Variants in RYR2 observed in about 807,000 individuals in gnomAD.
The protein encoded by RYR2 is ryanodine receptor 2.
In RYR2, 227 loss-of-function variants were observed where a neutral mutation model predicts 601.1. The ratio of observed to expected loss-of-function variants is 0.38; its 90% confidence interval spans 0.34 to 0.42. The LOEUF is 0.42. RYR2 is among the 10% of genes least tolerant of loss of function. RYR2 has a pLI of 1.00. For missense variants in RYR2, 4,646 were observed against 6,156.5 expected (o/e 0.75, Z 8.21); for synonymous variants, 2,223 against 2,175.1 (o/e 1.02, Z -0.61).
chr1:237,630,827 T>G (rs182296610), intron 41 of RYR2, among the ~76,000 whole-genome samples: 1 of 152,286 alleles, frequency 6.6e-6, no homozygotes, highest in East Asian at 1.9e-4. Context: ...CACCGTTTCT[T>G]GAAACTGGAT....
At position 237,589,830 on chromosome 1, in the gene RYR2, G is replaced by A; in HGVS notation, c.3636G>A (p.Val1212=). The A allele has an allele frequency of 6.2e-7, 1 of 1,613,722 alleles. No homozygotes were observed. Among genetic ancestry groups the A allele is most frequent in the Non-Finnish European group, 8.5e-7 (1 of 1,179,848 alleles). ...TGTGTAGCCTTGGAGTGGCTCAAGT[G>A]GGTAGGATGAACTTTGGAAAGGATG... is the stretch of plus-strand genomic sequence containing the variant. The part of the protein sequence containing the change: ...IPVCSLGVAQ[V]GRMNFGKDVS... Residue 1212 remains valine (V), a synonymous_variant, in exon 30 of 105, where the codon GTG becomes GTA. Coordinates refer to ENST00000366574, the MANE Select transcript of RYR2 (RefSeq NM_001035.3).
intron 1 of RYR2, among the ~76,000 whole-genome samples, chr1:237,167,944 G>A (rs573965104): frequency 8.5e-5 from 13 of 152,190 alleles, no homozygotes; most frequent in African/African-American, 3.1e-4. Flanking sequence ...TTAAAAATTT[G>A]CATGTTAGGA....
intron 2 of RYR2, among the ~76,000 whole-genome samples, chr1:237,273,308 A>G (rs1368277914): frequency 6.6e-6 from 1 of 152,170 alleles, no homozygotes; most frequent in African/African-American, 2.4e-5. Context: ...ATCTCACAGG[A>G]CGCAGAGCTC....
chr1:237,535,221 A>G (rs1668484845), intron 25 of RYR2, among the ~76,000 whole-genome samples: 1 of 151,974 alleles, frequency 6.6e-6, no homozygotes, highest in Non-Finnish European at 1.5e-5. Context: ...GCGGGATGAA[A>G]TATAAACACC....
chr1:237,333,341 T>G (rs1696933560), intron 3 of RYR2, among the ~76,000 whole-genome samples: 1 of 152,236 alleles, frequency 6.6e-6, no homozygotes, highest in South Asian at 2.1e-4. Context: ...CTGCTGAGTA[T>G]TTTTGATTAT....
At chr1:237,336,133 G>A (rs535363854) in intron 3 of RYR2, among the ~76,000 whole-genome samples, 2 of 152,196 alleles carry the variant, frequency 1.3e-5, no homozygotes, top group African/African-American at 2.4e-5. Flanking sequence ...TATCATGTTG[G>A]CATGAAGAAG....
At chr1:237,771,273 TG>T (rs1220561236) in intron 85 of RYR2, among the ~76,000 whole-genome samples, 5 of 151,818 alleles carry the variant, frequency 3.3e-5, no homozygotes, top group Non-Finnish European at 7.4e-5. Context: ...TATCCAGACA[TG>T]GTGGTGCGTG....
intron 3 of RYR2, among the ~76,000 whole-genome samples, chr1:237,345,324 A>C (rs754416681): frequency 1.3e-5 from 2 of 152,120 alleles, no homozygotes; most frequent in Non-Finnish European, 2.9e-5. Flanking sequence ...AGTTTTTCAT[A>C]GTATATAGAT....
intron 1 of RYR2, among the ~76,000 whole-genome samples, chr1:237,211,308 G>A (rs1282541360): frequency 6.6e-6 from 1 of 152,202 alleles, no homozygotes; most frequent in Middle Eastern, 3.2e-3. Flanking sequence ...ATGTGTACAA[G>A]TTATCAATGT....
At chr1:237,351,628 C>T (rs1558667955) in intron 3 of RYR2, among the ~76,000 whole-genome samples, 2 of 151,772 alleles carry the variant, frequency 1.3e-5, no homozygotes, top group East Asian at 1.9e-4. Context: ...TTTACCAACC[C>T]TAACACTAGA....
rs765263326 is a variant in RYR2 at position 237,589,898 on chromosome 1, G to C, written c.3704G>C (p.Gly1235Ala). 6.2e-7 allele frequency: 1 copy of C among 1,613,882 alleles called. No individual in the cohort carries two copies. The highest frequency in any genetic ancestry group is 1.1e-5 in the South Asian group (1 of 91,084). The change falls in exon 30 of 105, where the codon GGC becomes GCC. Residue 1235 changes from glycine to alanine, a missense_variant. Transcript: ENST00000366574. ...KYFTICGLQE[G>A]YEPFAVNTNR... ...TTCACCATCTGTGGCTTACAAGAGG[G>C]CTATGAACCATTTGCCGTTAATACA...
chr1:237,482,264 C>T (rs572357644), intron 17 of RYR2, among the ~76,000 whole-genome samples: 23 of 152,108 alleles, frequency 1.5e-4, no homozygotes, highest in South Asian at 2.1e-4. Context: ...TGGATATAGT[C>T]GCACTGTTGT....
At chr1:237,239,748 T>G (rs1685952064) in intron 1 of RYR2, among the ~76,000 whole-genome samples, 1 of 152,216 alleles carries the variant, frequency 6.6e-6, no homozygotes, top group Non-Finnish European at 1.5e-5. Context: ...AATAATTTCT[T>G]TTTAGCTCCT....
At chr1:237,802,814 G>C (rs1272468405) in intron 98 of RYR2, among the ~76,000 whole-genome samples, 2 of 152,160 alleles carry the variant, frequency 1.3e-5, no homozygotes, top group African/African-American at 4.8e-5. Flanking sequence ...CTTTTGCCCA[G>C]ATGCAGCTTC....
chr1:237,720,331 G>A (rs1262458632), intron 73 of RYR2, among the ~76,000 whole-genome samples: 1 of 152,080 alleles, frequency 6.6e-6, no homozygotes, highest in South Asian at 2.1e-4. Flanking sequence ...CAAATCATAT[G>A]ATTTTTAAAT....
chr1:237,752,376 C>T (rs989754547), intron 80 of RYR2, among the ~76,000 whole-genome samples: 6 of 151,892 alleles, frequency 4.0e-5, no homozygotes, highest in African/African-American at 1.5e-4. Flanking sequence ...TCTAGAGCTC[C>T]TGGGCTCAAG....
Position 237,631,613 on chromosome 1 carries a change from A to ATTTTT in RYR2, c.6555+100_6555+104dup, listed in dbSNP as rs556269614. The ATTTTT allele has an allele frequency of 2.3e-3, 481 of 208,536 alleles. 55 individuals are homozygous for ATTTTT. Among genetic ancestry groups the ATTTTT allele is most frequent in the Non-Finnish European group, 2.7e-3 (338 of 126,064 alleles). The allele number at this position is 208,536 out of a possible 1,614,324, so 12.9% of individuals were successfully genotyped here. On this transcript the variant is annotated intron_variant, in intron 42 of 104. Transcript: ENST00000366574. The stretch of plus-strand genomic sequence containing the variant: ...GTATATAGATTGATATAGAATGCAG[A>ATTTTT]TTTTTTTTTTTTTTTTTTTTTTTTT...
Position 237,530,437 on chromosome 1 carries a change from G to A in RYR2, c.2833G>A (p.Ala945Thr). 1 of 1,606,624 alleles carries A rather than the reference G, an allele frequency of 6.2e-7. No homozygotes were observed. Among genetic ancestry groups the A allele is most frequent in the Non-Finnish European group, 8.5e-7 (1 of 1,176,304 alleles). Residue 945 changes from alanine to threonine, a missense_variant, in exon 25 of 105, where the codon GCA (alanine) becomes ACA (threonine). This residue lies in a region of RYR2 where 1,807 missense variants were observed against 2,088.1 expected (regional missense o/e 0.87). Coordinates refer to ENST00000366574, the MANE Select transcript of RYR2 (RefSeq NM_001035.3). The stretch of plus-strand genomic sequence containing the variant: ...GGTTTTGTTTTCCAGGACTTTGTTG[G>A]CATTAGGATGTCATGTGGGTATATC... ...MSLETLKTLL[A>T]LGCHVGISDE...
intron 1 of RYR2, among the ~76,000 whole-genome samples, chr1:237,046,779 A>G (rs1187952058): frequency 6.6e-6 from 1 of 152,212 alleles, no homozygotes; most frequent in Non-Finnish European, 1.5e-5. Context: ...GGAGAGAGGG[A>G]GAGGTGATGA....
Sources: allele counts gnomAD v4.1 joint callset (sites outside exome capture counted in the v4.1 genomes callset), GRCh38; gene constraint gnomAD v4.1.1; regional missense constraint gnomAD v4.1.1; transcripts MANE v1.5; gene names NCBI Gene and HGNC (gene_info 2026-07-23, HGNC 2026-07-21).